The following PKHD1L1 variants were observed in gnomAD, a reference collection of about 807,000 sequenced individuals.
PKHD1L1 encodes fibrocystin-L.
A neutral mutation model predicts 462.9 loss-of-function variants in PKHD1L1; 434 were observed. That is an observed-to-expected ratio of 0.94 (90% confidence interval 0.87 to 1.02). The LOEUF is 1.02. Ranked by LOEUF, PKHD1L1 falls within the 50% of genes least tolerant of loss-of-function variation. PKHD1L1 has a pLI of 0.00. For synonymous variants in PKHD1L1, 1,781 were observed against 1,750.0 expected, an observed-to-expected ratio of 1.02 and a Z score of -0.44; for missense variants, 5,202 against 5,096.1, an observed-to-expected ratio of 1.02 and a Z score of -0.63.
intron 58 of PKHD1L1, 148 bp downstream of exon 58, chr8:109,485,321 G>A: frequency 3.0e-6 from 2 of 660,478 alleles, no homozygotes; most frequent in Non-Finnish European, 4.8e-6. Context: ...AGTGAGTGCT[G>A]CTCTTTCTGT....
At position 109,464,444 on chromosome 8, in the gene PKHD1L1, C is replaced by T. The variant is rs1426773878; in HGVS notation, c.7612C>T (p.Leu2538Phe). Residue 2538 changes from leucine (L) to phenylalanine (F), a missense_variant, in exon 49 of 78, where the codon CTC becomes TTC. Physicochemically the swap from Leu to Phe is conservative, Grantham distance 22. This residue lies in a region of PKHD1L1 where 4,497 missense variants were observed against 4,336.8 expected (regional missense o/e 1.04). Coordinates refer to ENST00000378402, the MANE Select transcript of PKHD1L1 (RefSeq NM_177531.6). ...AGATGGTATTGAACATGGCAATATC[C>T]TCCAGTATAACTTGGCAGTATTTGT... Reference protein sequence around the residue: ...IEDGIEHGNILQYNLAVFVQQ... With the variant: ...IEDGIEHGNIFQYNLAVFVQQ... 1.9e-6 allele frequency: 3 copies of T among 1,613,486 alleles called. No individual in the cohort carries two copies. The African/African-American group carries it at 4.0e-5, about 22-fold the overall frequency.
chr8:109,406,352 G>T lies in PKHD1L1; in HGVS notation c.1687G>T (p.Ala563Ser), dbSNP rs776463398. ...AATCAAAGTCTTCCTACCTGCTGAT[G>T]CTTCTGAATTCATACTGCAATCAGC... is the stretch of plus-strand genomic sequence containing the variant. ...MEKTVFLPAD[A>S]SEFILQSALN... Residue 563 changes from alanine (A) to serine (S), a missense_variant, in exon 17 of 78, where the codon GCT becomes TCT. Physicochemically the swap from Ala to Ser is moderately conservative, Grantham distance 99. Coordinates refer to ENST00000378402, the MANE Select transcript of PKHD1L1 (RefSeq NM_177531.6). 6.4e-7 allele frequency: 1 copy of T among 1,551,066 alleles called. No homozygotes were observed. The highest frequency in any genetic ancestry group is 8.7e-7 in the Non-Finnish European group (1 of 1,147,136).
Position 109,443,195 on chromosome 8 carries a change from A to T in PKHD1L1, c.4564+79A>T, listed in dbSNP as rs974296624. On this transcript the variant is annotated intron_variant, in intron 36 of 77. Transcript: ENST00000378402. ...GATATTTCTGGAGCCGGTAGCAGATAACTGGGTCTAACTGTGCTTCTATCT... is the reference window on the plus strand; with the variant it reads ...GATATTTCTGGAGCCGGTAGCAGATTACTGGGTCTAACTGTGCTTCTATCT... 6 of 1,321,682 alleles carry T rather than the reference A, an allele frequency of 4.5e-6. No homozygotes were observed. In the Admixed American group the frequency reaches 1.1e-4, roughly 24 times the overall value. The allele number at this position is 1,321,682 out of a possible 1,614,324, so 81.9% of individuals were successfully genotyped here.
In PKHD1L1 at chr8:109,449,352, G is replaced by A. The variant is rs762973129; in HGVS notation, c.6040G>A (p.Gly2014Ser). ...INPSQGSFGG[G>S]QTMTVTGTGF... is the part of the protein sequence containing the mutation. The stretch of plus-strand genomic sequence containing the variant: ...GTCTTCACTAGGGAGCTTTGGTGGG[G>A]GTCAAACCATGACTGTGACAGGCAC... The change falls in exon 40 of 78, where the codon GGT becomes AGT. Residue 2014 changes from glycine to serine, a missense_variant. This residue lies in a region of PKHD1L1 where 4,497 missense variants were observed against 4,336.8 expected (regional missense o/e 1.04). Transcript: ENST00000378402. 2.5e-6 allele frequency: 4 copies of A among 1,573,786 alleles called. No individual in the cohort carries two copies. Among genetic ancestry groups the A allele is most frequent in the Admixed American group, 3.7e-5 (2 of 54,066 alleles).
chr8:109,362,669 C>A lies in PKHD1L1; in HGVS notation c.73+16C>A. On this transcript the variant is annotated intron_variant, in intron 1 of 77. Transcript: ENST00000378402. ...CCCAGCACAGGTAACCCTTTGGGCACGCTAGGCAGGCAAGCAGGAGAGGCC... is the reference window on the plus strand; with the variant it reads ...CCCAGCACAGGTAACCCTTTGGGCAAGCTAGGCAGGCAAGCAGGAGAGGCC... 1 of 1,587,170 alleles carries A rather than the reference C, an allele frequency of 6.3e-7. No homozygotes were observed. The highest frequency in any genetic ancestry group is 8.6e-7 in the Non-Finnish European group (1 of 1,166,258).
chr8:109,415,513 C>T lies in PKHD1L1; in HGVS notation c.2360+1968C>T, dbSNP rs549673821. On this transcript the variant is annotated intron_variant, in intron 21 of 77. Transcript: ENST00000378402. The stretch of plus-strand genomic sequence containing the variant: ...AGGTGCTCCAGCAAAGCTAGGTCCC[C>T]GGACTCTACCAGGAGGAAATCAGTT... Among the ~76,000 whole-genome samples, 4 of 152,144 alleles carry T rather than the reference C, an allele frequency of 2.6e-5. No homozygotes were observed. The South Asian group carries it at 8.3e-4, about 32-fold the overall frequency.
At chr8:109,402,899 A>G (rs995533343) in intron 14 of PKHD1L1, among the ~76,000 whole-genome samples, 5 of 151,918 alleles carry the variant, frequency 3.3e-5, no homozygotes, top group Non-Finnish European at 5.9e-5. Flanking sequence ...AAAGAGTTTC[A>G]TTCCTTTTTT....
intron 38 of PKHD1L1, among the ~76,000 whole-genome samples, chr8:109,447,031 C>T (rs949966861): frequency 1.3e-5 from 2 of 152,070 alleles, no homozygotes; most frequent in African/African-American, 2.4e-5. Flanking sequence ...CGAGATCAGC[C>T]TGGGCAACAT....
At chr8:109,370,157 C>A (rs749601551) in intron 2 of PKHD1L1, among the ~76,000 whole-genome samples, 2 of 152,076 alleles carry the variant, frequency 1.3e-5, no homozygotes, top group South Asian at 2.1e-4. Context: ...CTCGCTCTGT[C>A]GCCCAGGCTG....
Position 109,508,268 on chromosome 8 carries a change from G to C in PKHD1L1, c.11395+4G>C, listed in dbSNP as rs1434474268. 6.3e-7 allele frequency: 1 copy of C among 1,598,060 alleles called. No homozygotes were observed. The highest frequency in any genetic ancestry group is 8.5e-7 in the Non-Finnish European group (1 of 1,173,736). On this transcript the variant is annotated splice_donor_region_variant and intron_variant, in intron 70 of 77. Coordinates refer to ENST00000378402, the MANE Select transcript of PKHD1L1 (RefSeq NM_177531.6). ...GGTTATGTTGATCTTATTAATGGTA[G>C]GTATTCAATATGAGTAAACTACAAT...
chr8:109,533,315 T>C lies in PKHD1L1; in HGVS notation c.*3225T>C, dbSNP rs1395009432. ...GACTGATGGTATCATATATATGACATGTAACACAGTGCCTAACAGGCGGTA... is the reference window on the plus strand; with the variant it reads ...GACTGATGGTATCATATATATGACACGTAACACAGTGCCTAACAGGCGGTA... On this transcript the variant is annotated 3_prime_UTR_variant, in exon 78 of 78. Transcript: ENST00000378402. Among the ~76,000 whole-genome samples the C allele has an allele frequency of 1.3e-5, 2 of 152,266 alleles. No individual in the cohort carries two copies. Among genetic ancestry groups the C allele is most frequent in the Non-Finnish European group, 2.9e-5 (2 of 68,044 alleles).
chr8:109,482,974 T>G lies in PKHD1L1; in HGVS notation c.9458-13T>G. The G allele has an allele frequency of 5.8e-6, 9 of 1,555,374 alleles. No individual in the cohort carries two copies. The highest frequency in any genetic ancestry group is 7.9e-6 in the Non-Finnish European group (9 of 1,144,144). ...GTGGGGTGAATAAGTAGGAGTGTGC[T>G]TTTCTTCTTTAGGGGTGTTTGGTGA... On this transcript the variant is annotated splice_polypyrimidine_tract_variant and intron_variant, in intron 56 of 77. Transcript: ENST00000378402.
intron 65 of PKHD1L1, among the ~76,000 whole-genome samples, chr8:109,497,949 C>G (rs1819199767): frequency 6.6e-6 from 1 of 152,068 alleles, no homozygotes; most frequent in Non-Finnish European, 1.5e-5. Flanking sequence ...GTCTGTCTTC[C>G]CTCTCCTATT....
intron 8 of PKHD1L1, among the ~76,000 whole-genome samples, chr8:109,389,894 A>C (rs1374523160): frequency 2.0e-5 from 3 of 151,898 alleles, no homozygotes; most frequent in Admixed American, 1.3e-4. Flanking sequence ...TCCTATCCTG[A>C]ACATTTCAGA....
Position 109,452,256 on chromosome 8 carries a change from C to T in PKHD1L1, c.6483C>T (p.Ile2161=). ...LSGWAPVCVH[I]RGVGMAKLDN... is the part of the protein sequence containing the mutation. ...GGTGGGCTCCAGTTTGTGTCCACAT[C>T]AGAGGTGTCGGCATGGCCAAACTGG... is the stretch of plus-strand genomic sequence containing the variant. The change falls in exon 42 of 78, where the codon ATC becomes ATT. Residue 2161 remains isoleucine (I), a synonymous_variant. Transcript: ENST00000378402. 6.2e-7 allele frequency: 1 copy of T among 1,606,920 alleles called. No homozygotes were observed. The highest frequency in any genetic ancestry group is 8.5e-7 in the Non-Finnish European group (1 of 1,175,860).
At chr8:109,459,510 TA>T in intron 46 of PKHD1L1, 84 bp from the exon 47 acceptor site, 2 of 1,115,270 alleles carry the variant, frequency 1.8e-6, no homozygotes, top group Non-Finnish European at 2.4e-6. Context: ...GCAGAGTATT[TA>T]AAATGAATAA....
intron 68 of PKHD1L1, among the ~76,000 whole-genome samples, chr8:109,505,729 T>A (rs929434631): frequency 3.3e-5 from 5 of 150,878 alleles, no homozygotes; most frequent in Non-Finnish European, 7.4e-5. Context: ...GGAGATACCA[T>A]CTCTACAAAA....
At chr8:109,508,764 T>A (rs1819828801) in intron 70 of PKHD1L1, among the ~76,000 whole-genome samples, 1 of 152,160 alleles carries the variant, frequency 6.6e-6, no homozygotes, top group Admixed American at 6.6e-5. Flanking sequence ...TCGTCTCTAA[T>A]TCCTTTGACT....
At chr8:109,395,551 A>G (rs1426577671) in intron 10 of PKHD1L1, among the ~76,000 whole-genome samples, 3 of 152,246 alleles carry the variant, frequency 2.0e-5, no homozygotes, top group Non-Finnish European at 4.4e-5. Flanking sequence ...AGAATCTGCC[A>G]TATGTCATTT....
Sources: gnomAD v4.1 joint callset for allele counts (sites outside exome capture counted in the v4.1 genomes callset) on GRCh38, gnomAD v4.1.1 for gene constraint, gnomAD v4.1.1 regional missense constraint, MANE v1.5 for transcripts, NCBI Gene and HGNC (gene_info 2026-07-23, HGNC 2026-07-21) for gene names.